Variants in NEIL3 observed in about 807,000 individuals in gnomAD.
The protein encoded by NEIL3 is nei like DNA glycosylase 3.
In NEIL3, 48 loss-of-function variants were observed where a neutral mutation model predicts 57.5. The ratio of observed to expected loss-of-function variants is 0.83; its 90% CI spans 0.66 to 1.06. The LOEUF (loss-of-function observed/expected upper bound fraction) is 1.06, where lower values mean the gene tolerates loss of function less well. Ranked by LOEUF, NEIL3 falls within the 50% of genes least tolerant of loss-of-function variation. NEIL3 has a pLI of 0.00. For missense variants in NEIL3, 717 were observed against 739.1 expected, an observed-to-expected ratio of 0.97 and a Z score of 0.35; for synonymous variants, 261 against 253.2, an observed-to-expected ratio of 1.03 and a Z score of -0.29.
At chr4:177,317,592 C>CTTTTTTTTTT (rs1734598609) in intron 1 of NEIL3, among the ~76,000 whole-genome samples, 1 of 79,044 alleles carries the variant, frequency 1.3e-5, no homozygotes, top group Non-Finnish European at 2.7e-5. Flanking sequence ...TTAGAACTTT[C>CTTTTTTTTTT]TTTTCTTTTT....
chr4:177,347,702 A>G (rs1292995888), intron 6 of NEIL3, among the ~76,000 whole-genome samples: 1 of 152,126 alleles, frequency 6.6e-6, no homozygotes, highest in Non-Finnish European at 1.5e-5. Flanking sequence ...ATTTAGGATA[A>G]TTTTGGAAGT....
chr4:177,316,514 A>C (rs1036437572), intron 1 of NEIL3, among the ~76,000 whole-genome samples: 2 of 152,152 alleles, frequency 1.3e-5, no homozygotes, highest in African/African-American at 4.8e-5. Flanking sequence ...TGGGATGTTA[A>C]TGAATTTTAA....
chr4:177,314,805 C>G (rs139867970), intron 1 of NEIL3, among the ~76,000 whole-genome samples: 1,544 of 152,094 alleles, frequency 0.01, 20 homozygotes, highest in African/African-American at 0.035. Context: ...AGGCCGGGCG[C>G]GGTGGCTCAC....
At chr4:177,343,628 A>T (rs1735144349) in intron 6 of NEIL3, 1 of 152,190 alleles carries the variant, frequency 6.6e-6, no homozygotes, top group African/African-American at 2.4e-5. Flanking sequence ...CATTTTCTGC[A>T]TCACTCTTCT....
At chr4:177,324,451 G>A (rs1003400449) in intron 2 of NEIL3, among the ~76,000 whole-genome samples, 1 of 152,104 alleles carries the variant, frequency 6.6e-6, no homozygotes, top group Non-Finnish European at 1.5e-5. Flanking sequence ...TAGAATACGA[G>A]CATAGCCTCT....
rs779184701 is a variant in NEIL3 at position 177,336,102 on chromosome 4, C to T, written c.414-6C>T. The stretch of plus-strand genomic sequence containing the variant: ...TGATTAATGTGTTTTATATTCCTTT[C>T]TATAGAAACTCAATGGAAAGCCAAC... On this transcript the variant is annotated splice_region_variant and splice_polypyrimidine_tract_variant and intron_variant, in intron 3 of 9. Transcript: ENST00000264596. 7 of 1,594,308 alleles carry T rather than the reference C, an allele frequency of 4.4e-6. No homozygotes were observed. Among genetic ancestry groups the T allele is most frequent in the South Asian group, 2.2e-5 (2 of 90,520 alleles).
intron 6 of NEIL3, among the ~76,000 whole-genome samples, chr4:177,351,168 C>T (rs376488476): frequency 1.3e-4 from 16 of 121,406 alleles, no homozygotes; most frequent in Admixed American, 3.4e-4. Flanking sequence ...GGTGCCACTA[C>T]GCTGCAACCT....
downstream of NEIL3, among the ~76,000 whole-genome samples, chr4:177,363,441 C>T (rs1164079773): frequency 6.6e-6 from 1 of 152,134 alleles, no homozygotes; most frequent in Non-Finnish European, 1.5e-5. Flanking sequence ...ACAGGACCAA[C>T]CTAGGATGAG....
At chr4:177,319,330 A>G (rs1182141780) in intron 1 of NEIL3, among the ~76,000 whole-genome samples, 2 of 152,188 alleles carry the variant, frequency 1.3e-5, no homozygotes, top group Non-Finnish European at 2.9e-5. Flanking sequence ...CCCATCTTGG[A>G]AGAAGGGAAG....
At chr4:177,320,759 G>A (rs948644350) in intron 1 of NEIL3, among the ~76,000 whole-genome samples, 4 of 151,850 alleles carry the variant, frequency 2.6e-5, no homozygotes, top group African/African-American at 9.7e-5. Flanking sequence ...GAGCCACCGC[G>A]CCGGGCCTGC....
intron 5 of NEIL3, among the ~76,000 whole-genome samples, chr4:177,341,079 C>A (rs1430279971): frequency 1.3e-5 from 2 of 152,026 alleles, no homozygotes; most frequent in African/African-American, 2.4e-5. Context: ...CAGTTTCAGT[C>A]TTCTAAAAAT....
intron 2 of NEIL3, among the ~76,000 whole-genome samples, chr4:177,326,437 C>T (rs1213362316): frequency 6.6e-6 from 1 of 151,902 alleles, no homozygotes; most frequent in Non-Finnish European, 1.5e-5. Context: ...TGTCCTTTCA[C>T]CAATAATACA....
chr4:177,311,206 G>C (rs4690380), intron 1 of NEIL3, among the ~76,000 whole-genome samples: 21,255 of 151,956 alleles, frequency 0.14, 2,680 homozygotes, highest in African/African-American at 0.33. Context: ...GACACCTGGG[G>C]AGCAAAAACA....
intron 8 of NEIL3, among the ~76,000 whole-genome samples, chr4:177,355,535 G>A (rs553554676): frequency 6.6e-6 from 1 of 151,580 alleles, no homozygotes; most frequent in African/African-American, 2.4e-5. Flanking sequence ...AAATATTTTC[G>A]ATCCAAGGTT....
intron 2 of NEIL3, among the ~76,000 whole-genome samples, chr4:177,323,370 A>G (rs2111118444): frequency 6.6e-6 from 1 of 151,198 alleles, no homozygotes; most frequent in East Asian, 1.9e-4. Flanking sequence ...TTTTCTTAAA[A>G]GAAAAGACCT....
At chr4:177,340,723 G>A (rs1735074550) in intron 5 of NEIL3, among the ~76,000 whole-genome samples, 2 of 152,146 alleles carry the variant, frequency 1.3e-5, no homozygotes, top group South Asian at 4.2e-4. Context: ...TATAAATTGT[G>A]TAATTTTCAG....
At chr4:177,334,115 T>C (rs1734931943) in intron 2 of NEIL3, among the ~76,000 whole-genome samples, 1 of 151,648 alleles carries the variant, frequency 6.6e-6, no homozygotes, top group Non-Finnish European at 1.5e-5. Context: ...GTCTTTTCTT[T>C]ATGTAATATG....
chr4:177,339,952 T>C, intron 5 of NEIL3, 95 bp downstream of exon 5: 1 of 763,840 alleles, frequency 1.3e-6, no homozygotes, highest in Non-Finnish European at 2.3e-6. Flanking sequence ...TATAGCCATC[T>C]AGTGGAAAGA....
chr4:177,362,263 T>C, intron 9 of NEIL3, 26 bp from the exon 10 acceptor site: 3 of 1,579,998 alleles, frequency 1.9e-6, no homozygotes, highest in Non-Finnish European at 1.7e-6. Flanking sequence ...TGTATAAACT[T>C]GTAAATTTAC....
Sources: gnomAD v4.1 joint callset for allele counts (sites outside exome capture counted in the v4.1 genomes callset) on GRCh38, gnomAD v4.1.1 for gene constraint, MANE v1.5 for transcripts, NCBI Gene and HGNC (gene_info 2026-07-23, HGNC 2026-07-21) for gene names.